Variants in NKAIN2 observed in about 807,000 individuals in gnomAD.
The protein encoded by NKAIN2 is sodium/potassium transporting ATPase interacting 2.
A neutral mutation model predicts 32.6 loss-of-function variants in NKAIN2; 14 were observed. The ratio of observed to expected loss-of-function variants is 0.43; its 90% CI spans 0.28 to 0.67. The LOEUF (loss-of-function observed/expected upper bound fraction) is 0.67, where lower values mean the gene tolerates loss of function less well. NKAIN2 is among the 30% of genes least tolerant of loss of function. NKAIN2 has a pLI of 0.17. For synonymous variants in NKAIN2, 80 were observed against 87.2 expected (o/e 0.92, Z 0.46); for missense variants, 198 against 258.3 (o/e 0.77, Z 1.60).
chr6:124,159,832 A>C (rs1198479585), intron 1 of NKAIN2, among the ~76,000 whole-genome samples: 1 of 152,166 alleles, frequency 6.6e-6, no homozygotes, highest in Non-Finnish European at 1.5e-5. Context: ...ATATGGAAGA[A>C]AAATATAAAT....
At chr6:123,975,022 G>T (rs181541693) in intron 1 of NKAIN2, among the ~76,000 whole-genome samples, 7 of 152,032 alleles carry the variant, frequency 4.6e-5, no homozygotes, top group African/African-American at 1.7e-4. Context: ...TCATTTTAGC[G>T]TATGTTTGGT....
intron 1 of NKAIN2, among the ~76,000 whole-genome samples, chr6:124,103,903 C>T (rs1318512396): frequency 9.2e-5 from 14 of 151,870 alleles, no homozygotes; most frequent in African/African-American, 3.4e-4. Flanking sequence ...CTGGCTAACA[C>T]GGTGAAACCC....
At chr6:124,059,852 T>G (rs2114852834) in intron 1 of NKAIN2, among the ~76,000 whole-genome samples, 1 of 152,308 alleles carries the variant, frequency 6.6e-6, no homozygotes, top group Admixed American at 6.5e-5. Flanking sequence ...CTATTATCTT[T>G]GCTTATTTGT....
chr6:124,531,397 T>C (rs668324), intron 3 of NKAIN2, among the ~76,000 whole-genome samples: 148,234 of 152,298 alleles, frequency 0.97, 72,260 homozygotes, highest in East Asian at 1. Context: ...ATGCAAATCA[T>C]ACTTGATCAT....
intron 3 of NKAIN2, among the ~76,000 whole-genome samples, chr6:124,408,516 G>A (rs1419755157): frequency 1.3e-5 from 2 of 152,096 alleles, no homozygotes; most frequent in African/African-American, 4.8e-5. Context: ...TAGATATGCG[G>A]CATTATTTCT....
chr6:124,302,734 G>A (rs1796339992), intron 2 of NKAIN2, among the ~76,000 whole-genome samples: 1 of 151,992 alleles, frequency 6.6e-6, no homozygotes, highest in South Asian at 2.1e-4. Flanking sequence ...CAAATAAATA[G>A]TAAGCTTGTG....
chr6:124,080,375 G>A (rs1237184442), intron 1 of NKAIN2, among the ~76,000 whole-genome samples: 1 of 152,072 alleles, frequency 6.6e-6, no homozygotes, highest in African/African-American at 2.4e-5. Flanking sequence ...CTCAATATAC[G>A]TGAGTTACAG....
At chr6:124,491,547 A>G (rs1162070993) in intron 3 of NKAIN2, among the ~76,000 whole-genome samples, 2 of 151,892 alleles carry the variant, frequency 1.3e-5, no homozygotes, top group Admixed American at 1.3e-4. Flanking sequence ...CAATTTGGAA[A>G]TATGAATCAA....
rs113443141 is a variant in NKAIN2, at chr6:124,285,326, A to C, written c.192+2184A>C. Among the ~76,000 whole-genome samples, 319 of 152,206 alleles carry C rather than the reference A, an allele frequency of 2.1e-3. 2 individuals are homozygous for C. The highest frequency in any genetic ancestry group is 6.9e-3 in the African/African-American group (287 of 41,534). ...TAGCTCATTTCTCTCTTACAATATC[A>C]TGCTGTCTGTGGCTAAAAGATAACA... is the stretch of plus-strand genomic sequence containing the variant. On this transcript the variant is annotated intron_variant, in intron 2 of 6. Transcript: ENST00000368417.
chr6:124,692,157 A>T (rs111832307), intron 4 of NKAIN2, among the ~76,000 whole-genome samples: 1 of 152,212 alleles, frequency 6.6e-6, no homozygotes, highest in African/African-American at 2.4e-5. Flanking sequence ...CTCCTATTAG[A>T]ACTCATAAGC....
chr6:124,027,777 C>T (rs1781182391), intron 1 of NKAIN2, among the ~76,000 whole-genome samples: 1 of 152,116 alleles, frequency 6.6e-6, no homozygotes, highest in Non-Finnish European at 1.5e-5. Flanking sequence ...TACCCTGACT[C>T]AAGGCTTATA....
intron 4 of NKAIN2, among the ~76,000 whole-genome samples, chr6:124,692,525 G>GT (rs1341175001): frequency 6.6e-6 from 1 of 151,952 alleles, no homozygotes; most frequent in East Asian, 1.9e-4. Flanking sequence ...TAAAAATTAC[G>GT]TAACATGAGG....
chr6:123,851,468 C>T (rs1436641112), intron 1 of NKAIN2, among the ~76,000 whole-genome samples: 1 of 151,866 alleles, frequency 6.6e-6, no homozygotes, highest in Non-Finnish European at 1.5e-5. Flanking sequence ...CCAGGCTGGT[C>T]TTGAGCTCCT....
At chr6:124,058,186 ATG>A (rs1340962376) in intron 1 of NKAIN2, among the ~76,000 whole-genome samples, 1 of 136,372 alleles carries the variant, frequency 7.3e-6, no homozygotes, top group African/African-American at 2.7e-5. Flanking sequence ...ATTGTTTATT[ATG>A]TGACATTTAA....
At chr6:124,312,995 A>G (rs1796787117) in intron 2 of NKAIN2, among the ~76,000 whole-genome samples, 1 of 152,140 alleles carries the variant, frequency 6.6e-6, no homozygotes, top group African/African-American at 2.4e-5. Flanking sequence ...TCTGAGGCCT[A>G]AAGTGCCCCA....
chr6:124,226,365 A>T (rs888578879), intron 1 of NKAIN2, among the ~76,000 whole-genome samples: 16 of 152,136 alleles, frequency 1.1e-4, no homozygotes, highest in Admixed American at 7.9e-4. Context: ...TATTTTCAAG[A>T]AGCACAGTTT....
chr6:124,190,855 G>A (rs2114586409), intron 1 of NKAIN2, among the ~76,000 whole-genome samples: 2 of 152,214 alleles, frequency 1.3e-5, no homozygotes, highest in East Asian at 3.9e-4. Context: ...TTAGAAAATA[G>A]ACTCTCTTTT....
chr6:124,373,384 A>G (rs1000022736), intron 3 of NKAIN2, among the ~76,000 whole-genome samples: 14 of 152,196 alleles, frequency 9.2e-5, no homozygotes, highest in Non-Finnish European at 1.8e-4. Context: ...TATTTTGTCA[A>G]CATCAAGTCT....
chr6:123,946,964 A>C (rs1016012841), intron 1 of NKAIN2, among the ~76,000 whole-genome samples: 3 of 152,120 alleles, frequency 2.0e-5, no homozygotes, highest in African/African-American at 7.2e-5. Context: ...TGGAGGTTCT[A>C]ATTGTTGTTA....
Sources: allele counts gnomAD v4.1 joint callset (sites outside exome capture counted in the v4.1 genomes callset), GRCh38; gene constraint gnomAD v4.1.1; transcripts MANE v1.5; gene names NCBI Gene and HGNC (gene_info 2026-07-23, HGNC 2026-07-21).